The following FER1L6 variants were observed in gnomAD, a reference collection of about 807,000 sequenced individuals.
FER1L6 encodes the protein fer-1-like protein 6.
A neutral mutation model predicts 219.2 loss-of-function variants in FER1L6; 177 were observed. The observed-to-expected ratio is 0.81, with a 90% CI of 0.71 to 0.91. FER1L6 has a LOEUF of 0.91. FER1L6 is among the 40% of genes least tolerant of loss of function. The pLI, the probability that FER1L6 is intolerant of heterozygous loss-of-function variation, is 0.00. For synonymous variants in FER1L6, 768 were observed against 824.3 expected (o/e 0.93, Z 1.17); for missense variants, 2,153 against 2,259.9 (o/e 0.95, Z 0.96).
At chr8:124,022,767 A>C (rs1202150974) in intron 17 of FER1L6, among the ~76,000 whole-genome samples, 1 of 152,196 alleles carries the variant, frequency 6.6e-6, no homozygotes, top group Admixed American at 6.5e-5. Context: ...CATTATTACA[A>C]GATTGGAAAA....
At chr8:124,097,413 A>C in intron 36 of FER1L6, 54 bp downstream of exon 36, 1 of 1,267,088 alleles carries the variant, frequency 7.9e-7, no homozygotes, top group Non-Finnish European at 1.1e-6. Flanking sequence ...AGCAGATGAA[A>C]GAATCATGAC....
chr8:124,054,187 C>T (rs1016192616), intron 22 of FER1L6, among the ~76,000 whole-genome samples: 8 of 152,188 alleles, frequency 5.3e-5, no homozygotes, highest in African/African-American at 1.9e-4. Context: ...CCTGTTCACT[C>T]CATCCTCCAC....
chr8:124,076,247 T>C lies in FER1L6; in HGVS notation c.4142T>C (p.Ile1381Thr), dbSNP rs1399954784. Reference protein sequence around the residue: ...ADPDGKSDPYIVIKLGKTEIK... With the variant: ...ADPDGKSDPYTVIKLGKTEIK... The stretch of plus-strand genomic sequence containing the variant: ...CCAGATGGCAAATCAGATCCCTACA[T>C]TGTGATCAAGCTTGGCAAGACAGAA... The change falls in exon 32 of 41, where the codon ATT becomes ACT. Residue 1381 changes from isoleucine to threonine, a missense_variant. Ile to Thr is a moderately conservative substitution (Grantham distance 89). Transcript: ENST00000522917. 2.5e-6 allele frequency: 4 copies of C among 1,614,074 alleles called. No individual in the cohort carries two copies. The East Asian group carries it at 8.9e-5, about 36-fold the overall frequency.
intron 18 of FER1L6, among the ~76,000 whole-genome samples, chr8:124,030,919 G>T (rs1818935549): frequency 6.6e-6 from 1 of 152,202 alleles, no homozygotes; most frequent in South Asian, 2.1e-4. Flanking sequence ...AGGACCCCGT[G>T]GGAGGTGGGG....
intron 1 of FER1L6, among the ~76,000 whole-genome samples, chr8:123,871,702 C>A (rs1816926588): frequency 6.6e-6 from 1 of 152,132 alleles, no homozygotes; most frequent in Non-Finnish European, 1.5e-5. Flanking sequence ...GATTCCCACT[C>A]CTTAAGAGTG....
intron 11 of FER1L6, chr8:123,985,754 C>T (rs1816542949): frequency 1.4e-5 from 3 of 220,640 alleles, no homozygotes; most frequent in South Asian, 9.8e-5. Flanking sequence ...ATTCCAAACC[C>T]GTGTTTCACC....
At chr8:124,033,585 C>T (rs1372537078) in intron 18 of FER1L6, among the ~76,000 whole-genome samples, 1 of 152,118 alleles carries the variant, frequency 6.6e-6, no homozygotes, top group East Asian at 1.9e-4. Flanking sequence ...GATTCTTCAG[C>T]TTCATCTGTG....
chr8:124,050,916 C>T (rs190974568), intron 22 of FER1L6, among the ~76,000 whole-genome samples: 4 of 152,190 alleles, frequency 2.6e-5, no homozygotes, highest in Admixed American at 2.6e-4. Context: ...ACATTCAGTT[C>T]ATAACAATGT....
rs116232041 is a variant in FER1L6, at chr8:123,923,399, T to C, written c.-7-32593T>C. On this transcript the variant is annotated intron_variant, in intron 1 of 40. Coordinates refer to ENST00000522917, the MANE Select transcript of FER1L6 (RefSeq NM_001039112.2). ...ACGTATTCTGTTGAACTATATGAAA[T>C]TGCCATCTGAATGGGTCAAAAACAG... Among the ~76,000 whole-genome samples, 647 of 152,244 alleles carry C rather than the reference T, an allele frequency of 4.2e-3. 6 individuals are homozygous for C. Among genetic ancestry groups the C allele is most frequent in the African/African-American group, 0.014 (602 of 41,542 alleles).
At chr8:124,095,972 C>T (rs549252881) in intron 35 of FER1L6, among the ~76,000 whole-genome samples, 9 of 152,318 alleles carry the variant, frequency 5.9e-5, no homozygotes, top group African/African-American at 1.9e-4. Context: ...GTTCACACCC[C>T]GAGCCAGCTT....
chr8:124,071,389 C>A, intron 30 of FER1L6, 117 bp from the exon 31 acceptor site: 1 of 1,387,338 alleles, frequency 7.2e-7, no homozygotes, highest in Non-Finnish European at 1.0e-6. Flanking sequence ...AGTTTAGCAC[C>A]AAACCAGGTC....
At chr8:123,882,519 G>T (rs1817126829) in intron 1 of FER1L6, among the ~76,000 whole-genome samples, 1 of 152,182 alleles carries the variant, frequency 6.6e-6, no homozygotes, top group Non-Finnish European at 1.5e-5. Context: ...CTGACCATAT[G>T]CTAGGCATTG....
chr8:123,859,202 C>T (rs1816701766), intron 1 of FER1L6, among the ~76,000 whole-genome samples: 1 of 152,138 alleles, frequency 6.6e-6, no homozygotes, highest in Non-Finnish European at 1.5e-5. Flanking sequence ...GGTTTTGCCA[C>T]ATTGTACAGG....
chr8:123,954,444 G>A (rs1814922933), intron 1 of FER1L6, among the ~76,000 whole-genome samples: 1 of 152,132 alleles, frequency 6.6e-6, no homozygotes, highest in Non-Finnish European at 1.5e-5. Context: ...ATTAAAAAAA[G>A]CAGGACATAC....
chr8:124,083,962 A>G (rs1821686205), intron 33 of FER1L6, among the ~76,000 whole-genome samples: 1 of 152,038 alleles, frequency 6.6e-6, no homozygotes, highest in African/African-American at 2.4e-5. Context: ...AATGTTTTAT[A>G]GTTTTCATTG....
rs114920664 is a variant in FER1L6, at chr8:123,970,054, T to C, written c.404T>C (p.Ile135Thr). 7.7e-4 allele frequency: 1,248 copies of C among 1,614,104 alleles called. 7 individuals carry two copies. The African/African-American group carries it at 0.014, about 18-fold the overall frequency. ...TTGCAGTACTTTGTCTTCGACTTCA[T>C]TGGGCCCCAAGTGCATCTTTTTGAC... ...FYNEYFVFDF[I>T]GPQVHLFDKI... Residue 135 changes from isoleucine to threonine, a missense_variant, in exon 6 of 41, where the codon ATT becomes ACT. Physicochemically the swap from Ile to Thr is moderately conservative, Grantham distance 89 (BLOSUM62 -1). Coordinates refer to ENST00000522917, the MANE Select transcript of FER1L6 (RefSeq NM_001039112.2).
intron 18 of FER1L6, among the ~76,000 whole-genome samples, chr8:124,032,100 G>C (rs4389919): frequency 0.3 from 46,175 of 151,866 alleles, 7,170 homozygotes; most frequent in South Asian, 0.35. Context: ...AATGAATGAT[G>C]TTTTTTGTCA....
intron 29 of FER1L6, among the ~76,000 whole-genome samples, chr8:124,069,687 T>A (rs1310423773): frequency 6.6e-6 from 1 of 152,140 alleles, no homozygotes; most frequent in Admixed American, 6.5e-5. Flanking sequence ...TGAGAAGGGG[T>A]GTAACTTAAA....
intron 10 of FER1L6, among the ~76,000 whole-genome samples, chr8:123,977,901 A>C (rs1816163195): frequency 6.6e-6 from 1 of 152,164 alleles, no homozygotes; most frequent in African/African-American, 2.4e-5. Context: ...GCCACCGCTA[A>C]TCTGACAGAC....
Sources: gnomAD v4.1 joint callset for allele counts (sites outside exome capture counted in the v4.1 genomes callset) on GRCh38, gnomAD v4.1.1 for gene constraint, MANE v1.5 for transcripts, NCBI Gene and HGNC (gene_info 2026-07-23, HGNC 2026-07-21) for gene names.